NR1H4: variants seen among roughly 807,000 people sequenced by gnomAD.
NR1H4 encodes nuclear receptor subfamily 1 group H member 4.
Under a neutral mutation model 58.5 loss-of-function variants are expected in NR1H4, and 23 were observed. The observed-to-expected ratio is 0.39, with a 90% confidence interval of 0.28 to 0.56. The LOEUF is 0.56. Ranked by LOEUF, NR1H4 falls within the 20% of genes least tolerant of loss-of-function variation. The probability of loss-of-function intolerance (pLI) is 0.58; values close to 1 mark genes in which losing one functional copy is unlikely to be tolerated. For synonymous variants in NR1H4, 214 were observed against 198.0 expected, an observed-to-expected ratio of 1.08 and a Z score of -0.68; for missense variants, 487 against 576.9, an observed-to-expected ratio of 0.84 and a Z score of 1.60.
intron 1 of NR1H4, among the ~76,000 whole-genome samples, chr12:100,488,322 T>C (rs751751826): frequency 2.0e-5 from 3 of 152,178 alleles, no homozygotes; most frequent in Non-Finnish European, 2.9e-5. Context: ...TTCTTTCTGA[T>C]CTGGTGTTCT....
At chr12:100,562,031 C>A in intron 10 of NR1H4, 33 bp downstream of exon 10, 1 of 1,051,742 alleles carries the variant, frequency 9.5e-7, no homozygotes, top group African/African-American at 1.6e-5. Context: ...ATTTTTATGC[C>A]ATTTTTTTCA....
intron 4 of NR1H4, among the ~76,000 whole-genome samples, chr12:100,520,805 GT>G (rs1346214261): frequency 2.0e-5 from 3 of 152,140 alleles, no homozygotes; most frequent in Non-Finnish European, 4.4e-5. Context: ...TATCCACCAT[GT>G]TAGCTGCGAA....
chr12:100,531,843 T>C (rs1489879084), intron 4 of NR1H4, among the ~76,000 whole-genome samples: 1 of 152,156 alleles, frequency 6.6e-6, no homozygotes, highest in Non-Finnish European at 1.5e-5. Context: ...GGTTGGCATT[T>C]TTATTATTAT....
rs17030295 is a variant in NR1H4 at position 100,540,053 on chromosome 12, C to T, written c.932-619C>T. 0.013 allele frequency among the ~76,000 whole-genome samples: 1,972 copies of T among 152,236 alleles called. 110 individuals are homozygous for T. In the East Asian group the frequency reaches 0.14, roughly 11 times the overall value. ...GGAGTAGAAAATGAGTTCAGAGAAG[C>T]TGTTGGGACTGTACTATTTAAGCCT... is the stretch of plus-strand genomic sequence containing the variant. On this transcript the variant is annotated intron_variant, in intron 8 of 10. Transcript: ENST00000392986.
chr12:100,505,631 T>C (rs1331010586), intron 3 of NR1H4: 1 of 701,472 alleles, frequency 1.4e-6, no homozygotes, highest in Non-Finnish European at 2.6e-6. Context: ...AACTCGTCCC[T>C]AAACTTCCAT....
At chr12:100,474,449 C>T (rs1312691699) in intron 1 of NR1H4, among the ~76,000 whole-genome samples, 1 of 152,122 alleles carries the variant, frequency 6.6e-6, no homozygotes, top group African/African-American at 2.4e-5. Context: ...GGGAGTATTG[C>T]TAATGTCAGA....
At chr12:100,536,660 A>G in intron 7 of NR1H4, 50 bp downstream of exon 7, 1 of 1,027,106 alleles carries the variant, frequency 9.7e-7, no homozygotes, top group Non-Finnish European at 1.5e-6. Context: ...TATTTTCTGG[A>G]GTTTTTATTG....
At chr12:100,518,762 T>TGCTGAACA (rs1278329075) in intron 4 of NR1H4, among the ~76,000 whole-genome samples, 1 of 151,658 alleles carries the variant, frequency 6.6e-6, no homozygotes, top group African/African-American at 2.4e-5. Context: ...GGCTGCAGTT[T>TGCTGAACA]GCTGAACACT....
At chr12:100,537,308 C>T (rs751234560) in intron 8 of NR1H4, among the ~76,000 whole-genome samples, 3 of 152,014 alleles carry the variant, frequency 2.0e-5, no homozygotes, top group African/African-American at 4.8e-5. Context: ...AAGTAACTGT[C>T]GAACTACTAT....
intron 8 of NR1H4, among the ~76,000 whole-genome samples, chr12:100,539,697 A>G (rs151093157): frequency 6.6e-6 from 1 of 152,362 alleles, no homozygotes; most frequent in African/African-American, 2.4e-5. Flanking sequence ...GGGATACAAA[A>G]GTAAAGAAAA....
At chr12:100,489,567 C>A (rs1953564321) in intron 1 of NR1H4, among the ~76,000 whole-genome samples, 1 of 151,928 alleles carries the variant, frequency 6.6e-6, no homozygotes, top group Non-Finnish European at 1.5e-5. Context: ...AATGTAAAAC[C>A]ATTCTAAGCT....
intron 9 of NR1H4, among the ~76,000 whole-genome samples, chr12:100,546,321 A>G (rs1434397161): frequency 6.6e-6 from 1 of 152,154 alleles, no homozygotes; most frequent in Non-Finnish European, 1.5e-5. Flanking sequence ...AGTCCCAAGT[A>G]TCTGTTCCCT....
In NR1H4 at chr12:100,552,581, CTAT is replaced by C. The variant is rs1470832562; in HGVS notation, c.1079-9300_1079-9298del. On this transcript the variant is annotated intron_variant, in intron 9 of 10. Transcript: ENST00000392986. ...GATTTAACATGCATTTATTAATCTC[CTAT>C]TATGTCTTCAGAAGGATGCTAGTTA... Among the ~76,000 whole-genome samples, 3 of 152,140 alleles carry C rather than the reference CTAT, an allele frequency of 2.0e-5. No homozygotes were observed. In the East Asian group the frequency reaches 5.8e-4, roughly 29 times the overall value.
chr12:100,498,254 A>C (rs556104941), intron 3 of NR1H4, among the ~76,000 whole-genome samples: 15 of 152,346 alleles, frequency 9.8e-5, no homozygotes, highest in African/African-American at 3.6e-4. Context: ...TGAAATGATA[A>C]ACACCATTCC....
At chr12:100,543,768 C>T (rs1156997365) in intron 9 of NR1H4, among the ~76,000 whole-genome samples, 1 of 152,072 alleles carries the variant, frequency 6.6e-6, no homozygotes, top group Non-Finnish European at 1.5e-5. Flanking sequence ...GACAGTTCAA[C>T]TTAGGAAAGA....
chr12:100,513,462 G>T (rs1432179780), intron 4 of NR1H4, among the ~76,000 whole-genome samples: 1 of 152,112 alleles, frequency 6.6e-6, no homozygotes, highest in Non-Finnish European at 1.5e-5. Flanking sequence ...TTTTAAAATG[G>T]TGTGGAATAA....
At position 100,564,048 on chromosome 12, in the gene NR1H4, T is replaced by C. The variant is rs1166311270; in HGVS notation, c.*559T>C. The C allele has an allele frequency of 1.3e-5, 2 of 152,788 alleles. No individual in the cohort carries two copies. The highest frequency in any genetic ancestry group is 2.9e-5 in the Non-Finnish European group (2 of 68,466). 9.5% of individuals were successfully genotyped at this position (152,788 alleles called of 1,614,324 possible). On this transcript the variant is annotated 3_prime_UTR_variant, in exon 11 of 11. Transcript: ENST00000392986. The stretch of plus-strand genomic sequence containing the variant: ...TAATAGCCCTCTGATCATTTCCTTT[T>C]CTTTGAAGTTCAAAGAGAATAGCAA...
chr12:100,506,537 G>A (rs1396275612), intron 3 of NR1H4, among the ~76,000 whole-genome samples: 3 of 151,998 alleles, frequency 2.0e-5, no homozygotes, highest in South Asian at 2.1e-4. Flanking sequence ...ATGGAGTCTC[G>A]CTCTGTCACC....
chr12:100,548,910 T>C (rs1955142390), intron 9 of NR1H4, among the ~76,000 whole-genome samples: 1 of 152,142 alleles, frequency 6.6e-6, no homozygotes, highest in Non-Finnish European at 1.5e-5. Context: ...ATGAGGAGAA[T>C]GGGACTGATA....
Sources: gnomAD v4.1 joint callset for allele counts (sites outside exome capture counted in the v4.1 genomes callset) on GRCh38, gnomAD v4.1.1 for gene constraint, MANE v1.5 for transcripts, NCBI Gene and HGNC (gene_info 2026-07-23, HGNC 2026-07-21) for gene names.